FRYL: variants seen among roughly 807,000 people sequenced by gnomAD.
FRYL encodes FRY like transcription coactivator, also known as protein furry homolog-like.
Under a neutral mutation model 351.2 loss-of-function variants are expected in FRYL, and 150 were observed. The ratio of observed to expected loss-of-function variants is 0.43; its 90% CI spans 0.37 to 0.49. FRYL has a LOEUF of 0.49. Among genes scored for constraint, FRYL ranks in the 20% least tolerant of loss-of-function variants. The pLI, the probability that FRYL is intolerant of heterozygous loss-of-function variation, is 0.00. For synonymous variants in FRYL, 1,153 were observed against 1,257.1 expected (o/e 0.92, Z 1.75); for missense variants, 3,036 against 3,619.3 (o/e 0.84, Z 4.13).
At chr4:48,517,642 A>G (rs576724366) in intron 55 of FRYL, among the ~76,000 whole-genome samples, 5 of 152,350 alleles carry the variant, frequency 3.3e-5, no homozygotes, top group East Asian at 3.9e-4. Flanking sequence ...ACCCTCTGTG[A>G]GTAAATACAA....
At chr4:48,675,969 G>A (rs1028228026) in intron 3 of FRYL, among the ~76,000 whole-genome samples, 3 of 152,166 alleles carry the variant, frequency 2.0e-5, no homozygotes, top group African/African-American at 4.8e-5. Context: ...ATATCTAGCT[G>A]CTCTGGTGGG....
At chr4:48,619,436 T>C in intron 6 of FRYL, 66 bp from the exon 7 acceptor site, 2 of 815,068 alleles carry the variant, frequency 2.5e-6, no homozygotes, top group Non-Finnish European at 3.8e-6. Flanking sequence ...TGTTAGTTAG[T>C]AGCTCATGTC....
intron 1 of FRYL, among the ~76,000 whole-genome samples, chr4:48,749,506 T>G (rs1000551005): frequency 2.0e-5 from 3 of 152,180 alleles, no homozygotes; most frequent in African/African-American, 7.2e-5. Flanking sequence ...TGAGGACTCC[T>G]GTAATTTGCC....
chr4:48,547,764 C>A lies in FRYL; in HGVS notation c.4894G>T (p.Asp1632Tyr). The A allele has an allele frequency of 2.0e-6, 3 of 1,492,206 alleles. No homozygotes were observed. Among genetic ancestry groups the A allele is most frequent in the Non-Finnish European group, 1.8e-6 (2 of 1,106,360 alleles). The allele number at this position is 1,492,206 out of a possible 1,614,324, so 92.4% of individuals were successfully genotyped here. Residue 1632 changes from aspartate (D) to tyrosine (Y), a missense_variant, in exon 41 of 64, where the codon GAC becomes TAC. This residue lies in a region of FRYL where 1,987 missense variants were observed against 2,311.7 expected (regional missense o/e 0.86). Coordinates refer to ENST00000358350, the MANE Select transcript of FRYL (RefSeq NM_015030.2). Reference protein sequence around the residue: ...LLLHAIFIGFDHCHPEVYEHC... With the variant: ...LLLHAIFIGFYHCHPEVYEHC... The stretch of plus-strand genomic sequence containing the variant: ...TCATACACCTCAGGGTGGCAGTGGT[C>A]AAACCCTAAAAAGGATAGTAGAGAA...
At chr4:48,590,975 T>G (rs1743118369) in intron 16 of FRYL, 145 bp from the exon 17 acceptor site, 1 of 615,600 alleles carries the variant, frequency 1.6e-6, no homozygotes, top group Non-Finnish European at 2.8e-6. Context: ...GTCCAACATT[T>G]TTAACTAGCA....
chr4:48,504,542 A>G (rs898905638), intron 60 of FRYL, among the ~76,000 whole-genome samples: 1 of 152,168 alleles, frequency 6.6e-6, no homozygotes, highest in Non-Finnish European at 1.5e-5. Flanking sequence ...TCTAGGGTTA[A>G]TTCCTTATCT....
chr4:48,559,643 AGAGGGAGG>A (rs1173680886), intron 33 of FRYL, among the ~76,000 whole-genome samples: 2 of 84,784 alleles, frequency 2.4e-5, no homozygotes, highest in Admixed American at 1.6e-4. Flanking sequence ...GGAGAGAGGA[AGAGGGAGG>A]GAGGGAGGGA....
At chr4:48,533,038 C>A (rs184688261) in intron 49 of FRYL, among the ~76,000 whole-genome samples, 381 of 152,178 alleles carry the variant, frequency 2.5e-3, no homozygotes, top group Non-Finnish European at 3.1e-3. Flanking sequence ...CCACACTGGA[C>A]CCATATTCTA....
intron 7 of FRYL, 66 bp downstream of exon 7, chr4:48,619,208 T>C: frequency 2.0e-6 from 2 of 1,001,420 alleles, no homozygotes; most frequent in East Asian, 2.4e-5. Flanking sequence ...TTAAAGTAAC[T>C]GAAACACGAA....
rs372043682 is a variant in FRYL at position 48,602,067 on chromosome 4, A to G, written c.988T>C (p.Leu330=). 29 of 1,602,966 alleles carry G rather than the reference A, an allele frequency of 1.8e-5. No individual in the cohort carries two copies. The highest frequency in any genetic ancestry group is 4.4e-5 in the South Asian group (4 of 90,830). The change falls in exon 13 of 64, where the codon TTA becomes CTA. Residue 330 remains leucine, a synonymous_variant. Coordinates refer to ENST00000358350, the MANE Select transcript of FRYL (RefSeq NM_015030.2). ...TGTAGGAAAATATGCCAGTTATTTA[A>G]AAAAAATTGTTTCTGACTGACACAT... ...LLCVSQKQFF[L]NNWHIFLQNC... is the part of the protein sequence containing the mutation.
chr4:48,549,669 C>T lies in FRYL; in HGVS notation c.4634-46G>A, dbSNP rs759117286. ...CATTTTCTACACCATCTAATTTCTG[C>T]CAATATAAGCAAACTCTAGTAAGAT... On this transcript the variant is annotated intron_variant, in intron 38 of 63. Transcript: ENST00000358350. This position sits in a 1 kb window ranked among gnomAD's most constrained non-coding sequence, Gnocchi z 4.2. 2.0e-6 allele frequency: 3 copies of T among 1,493,560 alleles called. No individual in the cohort carries two copies. Among genetic ancestry groups the T allele is most frequent in the Non-Finnish European group, 2.8e-6 (3 of 1,086,080 alleles). The allele number at this position is 1,493,560 out of a possible 1,614,324, so 92.5% of individuals were successfully genotyped here. A position where few individuals can be genotyped will look rare whatever the true frequency, so the allele number is the denominator to read the frequency against.
chr4:48,610,854 T>C (rs1055030103), intron 7 of FRYL, among the ~76,000 whole-genome samples: 1 of 150,324 alleles, frequency 6.7e-6, no homozygotes, highest in Admixed American at 6.7e-5. Context: ...ACACTCAATA[T>C]GTATATATCA....
Position 48,710,627 on chromosome 4 carries a change from G to A in FRYL, c.-312C>T, listed in dbSNP as rs1419832035. Reference sequence around the variant, plus strand: ...TGGAGCTTGTACTTTACAGGCACTCGAGTGGGCACACTGGTACAAAGCAGT... The same window carrying A: ...TGGAGCTTGTACTTTACAGGCACTCAAGTGGGCACACTGGTACAAAGCAGT... On this transcript the variant is annotated 5_prime_UTR_variant, in exon 2 of 64. Coordinates refer to ENST00000358350, the MANE Select transcript of FRYL (RefSeq NM_015030.2). 1.8e-4 allele frequency: 72 copies of A among 398,398 alleles called. No individual in the cohort carries two copies. The East Asian group carries it at 2.4e-3, about 13-fold the overall frequency. The allele number at this position is 398,398 out of a possible 1,614,324, so 24.7% of individuals were successfully genotyped here. A position where few individuals can be genotyped will look rare whatever the true frequency, so the allele number is the denominator to read the frequency against.
chr4:48,575,297 A>G, intron 24 of FRYL, 56 bp from the exon 25 acceptor site: 1 of 1,548,272 alleles, frequency 6.5e-7, no homozygotes, highest in Non-Finnish European at 8.9e-7. Context: ...GTCCAATTAG[A>G]TAATCTGAGA....
chr4:48,574,743 T>C (rs1739204335), intron 25 of FRYL, among the ~76,000 whole-genome samples: 1 of 152,134 alleles, frequency 6.6e-6, no homozygotes, highest in South Asian at 2.1e-4. Context: ...TCTAATTCTC[T>C]TGGATAAGAA....
At chr4:48,500,348 G>GGAA (rs1436495135) in intron 62 of FRYL, 128 bp from the exon 63 acceptor site, 1 of 526,312 alleles carries the variant, frequency 1.9e-6, no homozygotes, top group African/African-American at 2.0e-5. Context: ...TGTTTGTCTT[G>GGAA]GAAGAAAGGG....
rs1236163526 is a variant in FRYL at position 48,583,459 on chromosome 4, C to T, written c.1749-725G>A. Among the ~76,000 whole-genome samples the T allele has an allele frequency of 3.9e-5, 6 of 152,060 alleles. No homozygotes were observed. The Middle Eastern group carries it at 0.014, about 345-fold the overall frequency. ...AGCCACCACTCAATTATTCTTTATA[C>T]ACACTGAAGTTACAGTTGAATACAG... On this transcript the variant is annotated intron_variant, in intron 19 of 63. Transcript: ENST00000358350.
chr4:48,702,828 A>G (rs1207428430), intron 2 of FRYL, among the ~76,000 whole-genome samples: 3 of 152,158 alleles, frequency 2.0e-5, no homozygotes, highest in Non-Finnish European at 4.4e-5. Context: ...CCAAATAAAT[A>G]CATGAATATT....
At chr4:48,742,037 A>C (rs2149648921) in intron 1 of FRYL, among the ~76,000 whole-genome samples, 1 of 152,336 alleles carries the variant, frequency 6.6e-6, no homozygotes, top group Middle Eastern at 3.4e-3. Context: ...ATGATGTATC[A>C]ATATAGCTTC....
Sources: allele counts gnomAD v4.1 joint callset (sites outside exome capture counted in the v4.1 genomes callset), GRCh38; gene constraint gnomAD v4.1.1; regional missense constraint gnomAD v4.1.1; non-coding constraint Gnocchi (gnomAD v3.1); transcripts MANE v1.5; gene names NCBI Gene and HGNC (gene_info 2026-07-23, HGNC 2026-07-21).